GABRA3: variants seen among roughly 807,000 people sequenced by gnomAD.
GABRA3 encodes gamma-aminobutyric acid receptor subunit alpha-3.
GABRA3 carries 10 observed loss-of-function variants against 30.1 expected under a neutral mutation model. That is an observed-to-expected ratio of 0.33 (90% CI 0.20 to 0.56). The LOEUF is 0.56. GABRA3 is among the 20% of genes least tolerant of loss of function. The probability of loss-of-function intolerance (pLI) is 0.89; values close to 1 mark genes in which losing one functional copy is unlikely to be tolerated. For synonymous variants in GABRA3, 151 were observed against 146.8 expected, an observed-to-expected ratio of 1.03 and a Z score of -0.21; for missense variants, 233 against 392.0, an observed-to-expected ratio of 0.59 and a Z score of 3.42.
Position 152,190,765 on chromosome X carries a change from T to C in GABRA3, c.932-824A>G, listed in dbSNP as rs145928493. On this transcript the variant is annotated intron_variant, in intron 8 of 9. Transcript: ENST00000370314. The stretch of plus-strand genomic sequence containing the variant: ...AAATCCAAGCTTGTCTTTAGACCAA[T>C]TGATTCTTTTTTGGGGGGAGTGTTA... Among the ~76,000 whole-genome samples, 1,049 of 110,549 alleles carry C rather than the reference T, an allele frequency of 9.5e-3. 4 individuals are homozygous for C. Among genetic ancestry groups the C allele is most frequent in the Middle Eastern group, 0.033 (7 of 214 alleles).
rs12013327 is a variant in GABRA3 at position 152,321,187 on chromosome X, C to T, written c.262+24394G>A. Among the ~76,000 whole-genome samples, 793 of 111,138 alleles carry T rather than the reference C, an allele frequency of 7.1e-3. 10 individuals are homozygous for T. Among genetic ancestry groups the T allele is most frequent in the African/African-American group, 0.023 (714 of 30,624 alleles). On this transcript the variant is annotated intron_variant, in intron 3 of 9. Transcript: ENST00000370314. ...AACATCTTCCTGTCACTTCAGCAAG[C>T]AGGGCCTCACATACGGTTAAATAAC...
chrX:152,192,653 A>C (rs190049567), intron 8 of GABRA3, among the ~76,000 whole-genome samples: 69 of 111,720 alleles, frequency 6.2e-4, no homozygotes, highest in Admixed American at 4.2e-3. Context: ...ACAGCATTCA[A>C]AATGAGCACC....
At chrX:152,261,918 A>C (rs971291442) in intron 4 of GABRA3, among the ~76,000 whole-genome samples, 1 of 112,697 alleles carries the variant, frequency 8.9e-6, no homozygotes, top group Non-Finnish European at 1.9e-5. Flanking sequence ...CTGCCCCTGC[A>C]GCAAACTTTT....
chrX:152,278,963 T>G (rs1443216685), intron 4 of GABRA3, among the ~76,000 whole-genome samples: 22 of 111,881 alleles, frequency 2.0e-4, no homozygotes, highest in Non-Finnish European at 3.8e-4. Flanking sequence ...GGTTGTTTGT[T>G]TTTTTCTTGT....
At chrX:152,170,542 CTG>C (rs1427752189) in intron 9 of GABRA3, among the ~76,000 whole-genome samples, 1 of 111,819 alleles carries the variant, frequency 8.9e-6, no homozygotes, top group Non-Finnish European at 1.9e-5. Flanking sequence ...TCTTGTACTC[CTG>C]GCTTCAGGTG....
intron 3 of GABRA3, among the ~76,000 whole-genome samples, chrX:152,314,647 TTCCC>T (rs1939845080): frequency 8.9e-6 from 1 of 111,907 alleles, no homozygotes; most frequent in South Asian, 3.7e-4. Context: ...ACATGTGCTA[TTCCC>T]TCCACCTGGA....
At chrX:152,325,641 G>A (rs1352700728) in intron 3 of GABRA3, among the ~76,000 whole-genome samples, 1 of 112,123 alleles carries the variant, frequency 8.9e-6, no homozygotes, top group Non-Finnish European at 1.9e-5. Flanking sequence ...GGTCCTAACG[G>A]TTAGAAGGAA....
chrX:152,435,049 AAAAAT>A (rs1930741832), intron 1 of GABRA3, among the ~76,000 whole-genome samples: 2 of 111,864 alleles, frequency 1.8e-5, no homozygotes, highest in Non-Finnish European at 3.8e-5. Flanking sequence ...AAAATACAGT[AAAAAT>A]AAAATAAAAT....
intron 4 of GABRA3, among the ~76,000 whole-genome samples, chrX:152,271,854 T>C (rs1938945760): frequency 8.9e-6 from 1 of 111,943 alleles, no homozygotes; most frequent in East Asian, 2.8e-4. Flanking sequence ...CTCGGGCCAT[T>C]GCTTTGGAGG....
rs544440294 is a variant in GABRA3 at position 152,312,133 on chromosome X, T to C, written c.263-27398A>G. On this transcript the variant is annotated intron_variant, in intron 3 of 9. Transcript: ENST00000370314. ...ATCAATATTCTTAAAATGGCCATAC[T>C]GACCAAAGCAATGTACAGATTCAAT... Among the ~76,000 whole-genome samples, 20 of 112,267 alleles carry C rather than the reference T, an allele frequency of 1.8e-4. No homozygotes were observed. The South Asian group carries it at 7.3e-3, about 41-fold the overall frequency.
chrX:152,192,408 A>T (rs1391577955), intron 8 of GABRA3, among the ~76,000 whole-genome samples: 1 of 111,999 alleles, frequency 8.9e-6, no homozygotes, highest in Non-Finnish European at 1.9e-5. Context: ...CTTATACCAA[A>T]CCACATCTGT....
intron 2 of GABRA3, among the ~76,000 whole-genome samples, chrX:152,362,757 T>G (rs1322396141): frequency 9.0e-6 from 1 of 111,611 alleles, no homozygotes; most frequent in African/African-American, 3.3e-5. Context: ...TCTTGGTGAT[T>G]GATTCAATCT....
intron 5 of GABRA3, among the ~76,000 whole-genome samples, chrX:152,235,528 T>A (rs1180759553): frequency 9.3e-6 from 1 of 106,955 alleles, no homozygotes; most frequent in Non-Finnish European, 1.9e-5. Context: ...ATAAATGGAC[T>A]CAGTAAAGTT....
In GABRA3 at chrX:152,406,594, A is replaced by ATATT. The variant is rs1491576315; in HGVS notation, c.-26-41999_-26-41998insAATA. Among the ~76,000 whole-genome samples, 13 of 100,934 alleles carry ATATT rather than the reference A, an allele frequency of 1.3e-4. 1 individual carries two copies. The highest frequency in any genetic ancestry group is 6.4e-4 in the Admixed American group (6 of 9,356). 87.6% of individuals were successfully genotyped at this position (100,934 alleles called of 115,157 possible). ...GGAATATATATATATATATATATAT[A>ATATT]TTTTTATATGGCAAATGTTATTAGA... On this transcript the variant is annotated intron_variant, in intron 1 of 9. Transcript: ENST00000370314.
intron 2 of GABRA3, among the ~76,000 whole-genome samples, chrX:152,350,040 G>A (rs777454724): frequency 0.021 from 1,763 of 82,124 alleles, 21 homozygotes; most frequent in East Asian, 0.046. Flanking sequence ...TTCCAAAATT[G>A]ACCACATAGT....
At chrX:152,179,252 T>C (rs1170494721) in intron 9 of GABRA3, among the ~76,000 whole-genome samples, 1 of 111,937 alleles carries the variant, frequency 8.9e-6, no homozygotes, top group African/African-American at 3.2e-5. Flanking sequence ...AATGGCTATA[T>C]TGGGCTAATT....
chrX:152,178,499 T>C (rs1046570144), intron 9 of GABRA3, among the ~76,000 whole-genome samples: 38 of 111,558 alleles, frequency 3.4e-4, no homozygotes, highest in Middle Eastern at 4.6e-3. Context: ...TTTCCAAGAT[T>C]TGAAGAGAAT....
chrX:152,348,016 T>A (rs1302933441), intron 2 of GABRA3, among the ~76,000 whole-genome samples: 1 of 111,500 alleles, frequency 9.0e-6, no homozygotes. Context: ...AATAAATAAA[T>A]AAAAATCAAT....
chrX:152,446,530 AG>A (rs1330421985), intron 1 of GABRA3, among the ~76,000 whole-genome samples: 4 of 109,058 alleles, frequency 3.7e-5, no homozygotes, highest in African/African-American at 1.3e-4. Flanking sequence ...CCTTCACATA[AG>A]GTTCATTGTT....
Sources: allele counts gnomAD v4.1 joint callset (sites outside exome capture counted in the v4.1 genomes callset), GRCh38; gene constraint gnomAD v4.1.1; transcripts MANE v1.5; gene names NCBI Gene and HGNC (gene_info 2026-07-23, HGNC 2026-07-21).